PIK3AP1: variants seen among roughly 807,000 people sequenced by gnomAD.
The protein encoded by PIK3AP1 is phosphoinositide 3-kinase adapter protein 1.
Under a neutral mutation model 88.1 loss-of-function variants are expected in PIK3AP1, and 21 were observed. The observed-to-expected ratio is 0.24, with a 90% CI of 0.17 to 0.34. PIK3AP1 has a LOEUF of 0.34. Ranked by LOEUF, PIK3AP1 falls within the 10% of genes least tolerant of loss-of-function variation. The pLI, the probability that PIK3AP1 is intolerant of heterozygous loss-of-function variation, is 1.00. For missense variants in PIK3AP1, 828 were observed against 1,035.7 expected (o/e 0.80, Z 2.75); for synonymous variants, 398 against 400.0 (o/e 1.00, Z 0.06).
intron 2 of PIK3AP1, among the ~76,000 whole-genome samples, chr10:96,679,629 C>T (rs946294947): frequency 6.6e-6 from 1 of 152,094 alleles, no homozygotes; most frequent in African/African-American, 2.4e-5. Context: ...AAGAGAAATC[C>T]CAACTCAAAA....
chr10:96,664,589 A>G (rs1336992572), intron 2 of PIK3AP1, among the ~76,000 whole-genome samples: 4 of 152,234 alleles, frequency 2.6e-5, no homozygotes, highest in Non-Finnish European at 5.9e-5. Context: ...CTATTAGCTA[A>G]TAATTTTGCC....
At chr10:96,660,624 T>C (rs150287781) in intron 2 of PIK3AP1, among the ~76,000 whole-genome samples, 1 of 152,238 alleles carries the variant, frequency 6.6e-6, no homozygotes, top group African/African-American at 2.4e-5. Context: ...AAACACAAGC[T>C]TACTAAACAA....
chr10:96,620,696 G>T, intron 11 of PIK3AP1, 139 bp from the exon 12 acceptor site: 1 of 682,848 alleles, frequency 1.5e-6, no homozygotes, highest in Non-Finnish European at 2.5e-6. Context: ...AGAAGGGGGA[G>T]ATACAACATA....
intron 13 of PIK3AP1, among the ~76,000 whole-genome samples, chr10:96,613,358 C>T (rs1287586618): frequency 6.6e-6 from 1 of 152,080 alleles, no homozygotes; most frequent in Non-Finnish European, 1.5e-5. Context: ...TATTTTATTA[C>T]AATAAGTACC....
At chr10:96,638,449 CACACAGACACACACACACACAG>C (rs1233541577) in intron 8 of PIK3AP1, among the ~76,000 whole-genome samples, 4 of 106,706 alleles carry the variant, frequency 3.7e-5, no homozygotes, top group African/African-American at 1.5e-4. Context: ...CTAAGACACA[CACACAGACACACACACACACAG>C]ACACACACAC....
intron 14 of PIK3AP1, among the ~76,000 whole-genome samples, chr10:96,605,705 A>G (rs1181295666): frequency 6.6e-6 from 1 of 152,238 alleles, no homozygotes; most frequent in Non-Finnish European, 1.5e-5. Flanking sequence ...TAAGATTCTA[A>G]TTTTGAATTC....
chr10:96,603,730 C>T (rs998929535), intron 15 of PIK3AP1: 10 of 390,626 alleles, frequency 2.6e-5, no homozygotes, highest in African/African-American at 2.1e-4. Context: ...TATATATGTT[C>T]TGTCCCTCTA....
intron 2 of PIK3AP1, among the ~76,000 whole-genome samples, chr10:96,663,153 G>A (rs2134245707): frequency 6.6e-6 from 1 of 151,918 alleles, no homozygotes; most frequent in African/African-American, 2.4e-5. Context: ...CAGGATTGTG[G>A]GACAATAGCT....
In PIK3AP1 at chr10:96,686,390, C is replaced by A. The variant is rs1420885502; in HGVS notation, c.430+23177G>T. Among the ~76,000 whole-genome samples the A allele has an allele frequency of 2.0e-5, 3 of 152,112 alleles. No homozygotes were observed. The South Asian group carries it at 6.2e-4, about 31-fold the overall frequency. ...CCTACTGGATTTACACACTCTAGCT[C>A]GGGAACCAAACTGGAATTCAGGAGA... is the stretch of plus-strand genomic sequence containing the variant. On this transcript the variant is annotated intron_variant, in intron 2 of 16. Coordinates refer to ENST00000339364, the MANE Select transcript of PIK3AP1 (RefSeq NM_152309.3).
chr10:96,712,072 A>C (rs1175350468), intron 1 of PIK3AP1, among the ~76,000 whole-genome samples: 1 of 152,016 alleles, frequency 6.6e-6, no homozygotes, highest in African/African-American at 2.4e-5. Context: ...AAATTTTTAA[A>C]AATAGCAAAT....
At chr10:96,702,098 A>C (rs1844305076) in intron 2 of PIK3AP1, among the ~76,000 whole-genome samples, 1 of 152,242 alleles carries the variant, frequency 6.6e-6, no homozygotes, top group Admixed American at 6.5e-5. Context: ...GGAATCCAAA[A>C]AAGTTGAACT....
intron 2 of PIK3AP1, among the ~76,000 whole-genome samples, chr10:96,691,083 TG>T (rs1645509133): frequency 6.6e-6 from 1 of 152,192 alleles, no homozygotes; most frequent in Non-Finnish European, 1.5e-5. Flanking sequence ...GCCCATAGCT[TG>T]CTTAATTCCT....
At chr10:96,688,066 C>T (rs1261843465) in intron 2 of PIK3AP1, among the ~76,000 whole-genome samples, 3 of 152,202 alleles carry the variant, frequency 2.0e-5, no homozygotes, top group Non-Finnish European at 4.4e-5. Flanking sequence ...CACACTCTTT[C>T]TCTTCAACGT....
chr10:96,624,797 T>A (rs1189170743), intron 10 of PIK3AP1, among the ~76,000 whole-genome samples: 1 of 152,208 alleles, frequency 6.6e-6, no homozygotes, highest in Non-Finnish European at 1.5e-5. Flanking sequence ...CCTGCCTCTC[T>A]CCTTTCCTTC....
intron 2 of PIK3AP1, among the ~76,000 whole-genome samples, chr10:96,705,145 A>T (rs560916462): frequency 6.6e-6 from 1 of 152,320 alleles, no homozygotes; most frequent in African/African-American, 2.4e-5. Context: ...AAAGTGAGGT[A>T]TTTTTCATGC....
At chr10:96,639,459 C>T (rs547008242) in intron 8 of PIK3AP1, among the ~76,000 whole-genome samples, 1 of 152,172 alleles carries the variant, frequency 6.6e-6, no homozygotes, top group South Asian at 2.1e-4. Flanking sequence ...GTAAGCGTGA[C>T]CTGCAAGCTG....
intron 2 of PIK3AP1, among the ~76,000 whole-genome samples, chr10:96,685,982 ACCAAGT>A (rs1255546835): frequency 6.6e-6 from 1 of 152,166 alleles, no homozygotes; most frequent in East Asian, 1.9e-4. Context: ...CCCATATAGC[ACCAAGT>A]CCTCACTAAA....
At chr10:96,648,075 G>A (rs1353883858) in intron 7 of PIK3AP1, among the ~76,000 whole-genome samples, 1 of 152,216 alleles carries the variant, frequency 6.6e-6, no homozygotes, top group Non-Finnish European at 1.5e-5. Flanking sequence ...GAAAGAGAGA[G>A]CGAGGCTGTC....
At chr10:96,630,697 G>T (rs557576903) in intron 8 of PIK3AP1, among the ~76,000 whole-genome samples, 1 of 152,056 alleles carries the variant, frequency 6.6e-6, no homozygotes, top group African/African-American at 2.4e-5. Context: ...AAAAAAATTG[G>T]CTGGGCATGG....
Sources: gnomAD v4.1 joint callset for allele counts (sites outside exome capture counted in the v4.1 genomes callset) on GRCh38, gnomAD v4.1.1 for gene constraint, MANE v1.5 for transcripts, NCBI Gene and HGNC (gene_info 2026-07-23, HGNC 2026-07-21) for gene names.